Variants in XRCC4 observed in about 807,000 individuals in gnomAD.
The protein encoded by XRCC4 is DNA repair protein XRCC4.
In XRCC4, 28 loss-of-function variants were observed where a neutral mutation model predicts 39.1. The observed-to-expected ratio is 0.72, with a 90% CI of 0.53 to 0.98. XRCC4 has a LOEUF of 0.98. Among genes scored for constraint, XRCC4 ranks in the 50% least tolerant of loss-of-function variants. The pLI is 0.00. For synonymous variants in XRCC4, 123 were observed against 126.4 expected, an observed-to-expected ratio of 0.97 and a Z score of 0.18; for missense variants, 350 against 376.4, an observed-to-expected ratio of 0.93 and a Z score of 0.58.
At chr5:83,307,065 T>C (rs1755516147) in intron 7 of XRCC4, among the ~76,000 whole-genome samples, 1 of 152,186 alleles carries the variant, frequency 6.6e-6, no homozygotes, top group African/African-American at 2.4e-5. Flanking sequence ...CCTGTTAACA[T>C]AGTCTAGCCT....
intron 7 of XRCC4, among the ~76,000 whole-genome samples, chr5:83,333,584 A>G (rs1010633164): frequency 2.0e-5 from 3 of 152,166 alleles, no homozygotes; most frequent in South Asian, 4.1e-4. Flanking sequence ...AGAAATTAAC[A>G]AAAATAACAC....
At chr5:83,271,879 A>G (rs1270193328) in intron 7 of XRCC4, among the ~76,000 whole-genome samples, 3 of 152,172 alleles carry the variant, frequency 2.0e-5, no homozygotes, top group African/African-American at 7.2e-5. Flanking sequence ...TTATGTGAGC[A>G]CTGCATTTAA....
Position 83,107,927 on chromosome 5 carries a change from T to C in XRCC4, c.139+2869T>C, listed in dbSNP as rs74814555. On this transcript the variant is annotated intron_variant, in intron 2 of 7. Transcript: ENST00000396027. Reference sequence around the variant, plus strand: ...TGGTATGATAAGACTGTATGTCTTCTGAGCTCCAGTACAAGCTTAGGATGT... The same window carrying C: ...TGGTATGATAAGACTGTATGTCTTCCGAGCTCCAGTACAAGCTTAGGATGT... 9.2e-4 allele frequency among the ~76,000 whole-genome samples: 140 copies of C among 152,064 alleles called. 2 individuals are homozygous for C. In the East Asian group the frequency reaches 0.023, roughly 25 times the overall value.
intron 3 of XRCC4, among the ~76,000 whole-genome samples, chr5:83,179,714 C>T (rs1423044364): frequency 2.0e-5 from 3 of 152,174 alleles, no homozygotes; most frequent in Admixed American, 1.3e-4. Context: ...TAAATTGTTT[C>T]TTCTACAGTC....
At chr5:83,295,597 T>C (rs1755065394) in intron 7 of XRCC4, among the ~76,000 whole-genome samples, 1 of 152,032 alleles carries the variant, frequency 6.6e-6, no homozygotes. Context: ...CAGAAAGTAC[T>C]CATCTTTTTA....
intron 6 of XRCC4, among the ~76,000 whole-genome samples, chr5:83,232,208 C>A (rs1372757689): frequency 1.3e-5 from 2 of 152,098 alleles, no homozygotes. Flanking sequence ...TCACCAAAAT[C>A]ACCTTTTACA....
intron 7 of XRCC4, among the ~76,000 whole-genome samples, chr5:83,348,290 G>C (rs962065515): frequency 6.6e-6 from 1 of 152,200 alleles, no homozygotes; most frequent in African/African-American, 2.4e-5. Context: ...CCTAGTAGAG[G>C]TTCTCCAAGA....
At chr5:83,300,857 G>T (rs1316514256) in intron 7 of XRCC4, among the ~76,000 whole-genome samples, 2 of 151,798 alleles carry the variant, frequency 1.3e-5, no homozygotes, top group African/African-American at 2.4e-5. Flanking sequence ...GTAGTAGTTT[G>T]CTGAGAATGA....
rs569800588 is a variant in XRCC4, at chr5:83,124,454, T to A, written c.315+13251T>A. On this transcript the variant is annotated intron_variant, in intron 3 of 7. Coordinates refer to ENST00000396027, the MANE Select transcript of XRCC4 (RefSeq NM_003401.5). The stretch of plus-strand genomic sequence containing the variant: ...CGTTGAATGTATCAGTAGATCATTT[T>A]CTTTATTGTTGAGTAGTCTATTCTT... Among the ~76,000 whole-genome samples, 7 of 152,292 alleles carry A rather than the reference T, an allele frequency of 4.6e-5. No homozygotes were observed. The East Asian group carries it at 1.4e-3, about 29-fold the overall frequency.
rs547105793 is a variant in XRCC4, at chr5:83,293,867, A to G, written c.893+35190A>G. On this transcript the variant is annotated intron_variant, in intron 7 of 7. Transcript: ENST00000396027. ...AAGCAATTCTGGTTTTGAACAGAGC[A>G]GATTGCAAAAGATACTTTTAAATTA... Among the ~76,000 whole-genome samples, 17 of 152,192 alleles carry G rather than the reference A, an allele frequency of 1.1e-4. No homozygotes were observed. In the South Asian group the frequency reaches 3.5e-3, roughly 31 times the overall value.
Position 83,258,621 on chromosome 5 carries a change from T to C in XRCC4, c.837T>C (p.Asn279=). 3 of 1,611,992 alleles carry C rather than the reference T, an allele frequency of 1.9e-6. No homozygotes were observed. Among genetic ancestry groups the C allele is most frequent in the Non-Finnish European group, 2.5e-6 (3 of 1,179,244 alleles). ...SRKRRQRMQR[N]LGTEPKMAPQ... is the part of the protein sequence containing the mutation. ...AAAGGAGACAGCGAATGCAAAGAAA[T>C]CTTGGGACAGAACCTAAAATGGCTC... The change falls in exon 7 of 8, where the codon AAT becomes AAC. Residue 279 remains asparagine, a synonymous_variant. Coordinates refer to ENST00000396027, the MANE Select transcript of XRCC4 (RefSeq NM_003401.5).
At chr5:83,210,004 A>G (rs537390367) in intron 6 of XRCC4, among the ~76,000 whole-genome samples, 6 of 152,298 alleles carry the variant, frequency 3.9e-5, no homozygotes, top group African/African-American at 1.4e-4. Flanking sequence ...CTTAGTTGGT[A>G]GGCTTCCTGA....
Position 83,332,226 on chromosome 5 carries a change from T to TACACACACACACAC in XRCC4, c.894-20877_894-20864dup, listed in dbSNP as rs67822741. Among the ~76,000 whole-genome samples the TACACACACACACAC allele has an allele frequency of 2.3e-3, 325 of 142,032 alleles. 1 individual carries two copies. Among genetic ancestry groups the TACACACACACACAC allele is most frequent in the African/African-American group, 6.6e-3 (254 of 38,336 alleles). 93.2% of individuals were successfully genotyped at this position (142,032 alleles called of 152,430 possible). ...CTTGAATATGAACATTTCAATCTTC[T>TACACACACACACAC]ACACACACACACACACACACACACA... On this transcript the variant is annotated intron_variant, in intron 7 of 7. Coordinates refer to ENST00000396027, the MANE Select transcript of XRCC4 (RefSeq NM_003401.5).
chr5:83,326,055 G>C (rs928098537), intron 7 of XRCC4, among the ~76,000 whole-genome samples: 2 of 151,818 alleles, frequency 1.3e-5, no homozygotes, highest in Non-Finnish European at 2.9e-5. Context: ...GTCTTCTTTT[G>C]AGAAGTATCT....
intron 7 of XRCC4, among the ~76,000 whole-genome samples, chr5:83,261,394 A>G: frequency 6.6e-6 from 1 of 152,062 alleles, no homozygotes; most frequent in East Asian, 1.9e-4. Flanking sequence ...ATAAACGCAG[A>G]TATGGTTAGT....
chr5:83,165,447 A>C (rs10080123), intron 3 of XRCC4, among the ~76,000 whole-genome samples: 61,507 of 151,932 alleles, frequency 0.4, 12,966 homozygotes, highest in South Asian at 0.48. Context: ...GAGGAGAATG[A>C]TAAGTGATCT....
chr5:83,223,401 G>A (rs1243408158), intron 6 of XRCC4, among the ~76,000 whole-genome samples: 3 of 151,854 alleles, frequency 2.0e-5, no homozygotes, highest in Admixed American at 2.0e-4. Context: ...GTGGTGTTGG[G>A]TGCAGATATA....
At chr5:83,215,976 T>TA (rs149741874) in intron 6 of XRCC4, among the ~76,000 whole-genome samples, 1 of 151,696 alleles carries the variant, frequency 6.6e-6, no homozygotes, top group Non-Finnish European at 1.5e-5. Flanking sequence ...TTCGTCAAAA[T>TA]AAAAAAAATT....
intron 7 of XRCC4, among the ~76,000 whole-genome samples, chr5:83,321,460 T>C (rs1023177038): frequency 2.0e-5 from 3 of 152,178 alleles, no homozygotes; most frequent in Admixed American, 6.6e-5. Context: ...ATTCTTACCC[T>C]CATGGAAATA....
Sources: allele counts gnomAD v4.1 joint callset (sites outside exome capture counted in the v4.1 genomes callset), GRCh38; gene constraint gnomAD v4.1.1; transcripts MANE v1.5; gene names NCBI Gene and HGNC (gene_info 2026-07-23, HGNC 2026-07-21).